GCNT1: variants seen among roughly 807,000 people sequenced by gnomAD.
GCNT1 encodes the protein glucosaminyl (N-acetyl) transferase 1.
In GCNT1, 16 loss-of-function variants were observed where a neutral mutation model predicts 26.2. The ratio of observed to expected loss-of-function variants is 0.61; its 90% confidence interval spans 0.41 to 0.93. GCNT1 has a LOEUF of 0.93. Ranked by LOEUF, GCNT1 falls within the 40% of genes least tolerant of loss-of-function variation. The probability of loss-of-function intolerance (pLI) is 0.00; values close to 1 mark genes in which losing one functional copy is unlikely to be tolerated. For synonymous variants in GCNT1, 183 were observed against 190.8 expected, an observed-to-expected ratio of 0.96 and a Z score of 0.34; for missense variants, 477 against 526.7, an observed-to-expected ratio of 0.91 and a Z score of 0.92.
At chr9:76,463,733 T>TTTATAAGC (rs1554733207) in intron 2 of GCNT1, among the ~76,000 whole-genome samples, 5 of 151,076 alleles carry the variant, frequency 3.3e-5, no homozygotes, top group Non-Finnish European at 3.0e-5. Flanking sequence ...GGTCCCTGCC[T>TTTATAAGC]TTATGAGCTT....
intron 1 of GCNT1, among the ~76,000 whole-genome samples, chr9:76,422,172 A>G (rs1823205100): frequency 6.6e-6 from 1 of 152,080 alleles, no homozygotes; most frequent in South Asian, 2.1e-4. Flanking sequence ...TCAATTATTA[A>G]TACCTCCCAC....
intron 2 of GCNT1, among the ~76,000 whole-genome samples, chr9:76,465,896 TG>T (rs2131599000): frequency 6.6e-6 from 1 of 152,320 alleles, no homozygotes; most frequent in African/African-American, 2.4e-5. Flanking sequence ...GGAACCATTA[TG>T]GTGATTGAGA....
intron 1 of GCNT1, among the ~76,000 whole-genome samples, chr9:76,422,926 A>T (rs80030088): frequency 0.014 from 2,170 of 152,332 alleles, 42 homozygotes; most frequent in African/African-American, 0.05. Flanking sequence ...TTATAAAATA[A>T]CCTTTGTGTT....
At chr9:76,494,722 CAAG>C (rs1296751675) in intron 2 of GCNT1, among the ~76,000 whole-genome samples, 2 of 152,084 alleles carry the variant, frequency 1.3e-5, no homozygotes, top group Admixed American at 1.3e-4. Flanking sequence ...GAGAAGAGAG[CAAG>C]AAGTTTGTCT....
Position 76,428,935 on chromosome 9 carries a change from G to C in GCNT1, n.38+9048G>C, listed in dbSNP as rs1464886140. Among the ~76,000 whole-genome samples the C allele has an allele frequency of 3.3e-5, 5 of 152,104 alleles. No homozygotes were observed. The East Asian group carries it at 7.7e-4, about 23-fold the overall frequency. On this transcript the variant is annotated intron_variant and non_coding_transcript_variant, in intron 1 of 3. Coordinates refer to the GCNT1 transcript ENST00000488136. ...GGCTGGTCTCAAACTCCCGACCTCA[G>C]GTGATCTGTCTGCCTTGGCCTCCCA...
Position 76,448,750 on chromosome 9 carries a change from T to G in GCNT1, c.-290+6435T>G, listed in dbSNP as rs55841807. On this transcript the variant is annotated intron_variant, in intron 1 of 2. Coordinates refer to the GCNT1 transcript ENST00000442371. ...CTCTTTCGTGTTTGGCATCTTTATC[T>G]CCACATAAGGTCTGGAGATTCATCC... is the stretch of plus-strand genomic sequence containing the variant. Among the ~76,000 whole-genome samples, 1,222 of 152,318 alleles carry G rather than the reference T, an allele frequency of 8.0e-3. 17 individuals carry two copies. The highest frequency in any genetic ancestry group is 0.027 in the African/African-American group (1,142 of 41,566).
At chr9:76,400,081 G>A in the GCNT1 span, among the ~76,000 whole-genome samples, 5 of 152,150 alleles carry the variant, frequency 3.3e-5, no homozygotes, top group Non-Finnish European at 4.4e-5. Flanking sequence ...GTTGGAGGTC[G>A]GAGGGAGGGA....
chr9:76,482,879 T>C (rs778327035), intron 2 of GCNT1, among the ~76,000 whole-genome samples: 5 of 148,512 alleles, frequency 3.4e-5, no homozygotes, highest in Non-Finnish European at 7.4e-5. Context: ...CTCAAACTCC[T>C]GGACTCAAGT....
At chr9:76,416,291 C>G (rs892778968), upstream of GCNT1, among the ~76,000 whole-genome samples, 2 of 152,168 alleles carry the variant, frequency 1.3e-5, no homozygotes, top group African/African-American at 4.8e-5. Context: ...AGCTGCCCAT[C>G]CCACTAAGAG....
chr9:76,394,283 G>T, the GCNT1 span: 2 of 1,076,376 alleles, frequency 1.9e-6, no homozygotes, highest in Middle Eastern at 2.9e-4. Flanking sequence ...CGTGAGCTCT[G>T]CCTGCCGCGG....
intron 1 of GCNT1, among the ~76,000 whole-genome samples, chr9:76,433,890 C>A (rs1823370332): frequency 6.6e-6 from 1 of 152,164 alleles, no homozygotes; most frequent in African/African-American, 2.4e-5. Context: ...CTTCAGTGAA[C>A]CTCCTCATAT....
At chr9:76,467,303 A>G (rs1824022774) in intron 2 of GCNT1, among the ~76,000 whole-genome samples, 2 of 152,246 alleles carry the variant, frequency 1.3e-5, no homozygotes, top group South Asian at 2.1e-4. Context: ...TGGCCTCCCA[A>G]AGTGCTGGGA....
chr9:76,471,980 T>A (rs1035761331), intron 2 of GCNT1, among the ~76,000 whole-genome samples: 1 of 152,092 alleles, frequency 6.6e-6, no homozygotes, highest in Admixed American at 6.6e-5. Flanking sequence ...AAATATTTTT[T>A]AAAAATGGAC....
At chr9:76,495,330 C>T (rs187171191) in intron 2 of GCNT1, among the ~76,000 whole-genome samples, 87 of 152,234 alleles carry the variant, frequency 5.7e-4, no homozygotes, top group African/African-American at 1.9e-4. Flanking sequence ...TTCATGGTCT[C>T]GCTGACTTCA....
intron 2 of GCNT1, among the ~76,000 whole-genome samples, chr9:76,468,898 A>G (rs77294653): frequency 0.011 from 1,650 of 152,336 alleles, 17 homozygotes; most frequent in Non-Finnish European, 0.018. Flanking sequence ...AAAATATTGT[A>G]CATTTGTGAG....
intron 1 of GCNT1, among the ~76,000 whole-genome samples, chr9:76,445,773 G>A (rs375860029): frequency 2.6e-4 from 39 of 151,722 alleles, no homozygotes; most frequent in East Asian, 1.8e-3. Flanking sequence ...TCAGGAGTTC[G>A]GGACCAGCCT....
At chr9:76,482,636 A>G (rs2131618047) in intron 2 of GCNT1, among the ~76,000 whole-genome samples, 1 of 151,808 alleles carries the variant, frequency 6.6e-6, no homozygotes, top group South Asian at 2.1e-4. Flanking sequence ...AAAAAAAAGA[A>G]CTGGTAAAAT....
chr9:76,491,289 G>C (rs767456336), intron 2 of GCNT1, among the ~76,000 whole-genome samples: 1 of 151,898 alleles, frequency 6.6e-6, no homozygotes, highest in Non-Finnish European at 1.5e-5. Context: ...TCTGCCAGCT[G>C]CTTATGCTGC....
chr9:76,394,431 G>A, the GCNT1 span: 57,757 of 390,488 alleles, frequency 0.15, 4,860 homozygotes, highest in Admixed American at 0.2. Context: ...GTAAGTGCCG[G>A]GTGTGAGCGG....
Sources: gnomAD v4.1 joint callset for allele counts (sites outside exome capture counted in the v4.1 genomes callset) on GRCh38, gnomAD v4.1.1 for gene constraint, MANE v1.5 for transcripts, NCBI Gene and HGNC (gene_info 2026-07-23, HGNC 2026-07-21) for gene names.